The following RUNDC3B variants were observed in gnomAD, a reference collection of about 807,000 sequenced individuals.
The protein encoded by RUNDC3B is RUN domain containing 3B.
RUNDC3B carries 33 observed loss-of-function variants against 58.4 expected under a neutral mutation model. The ratio of observed to expected loss-of-function variants is 0.56; its 90% confidence interval spans 0.43 to 0.75. RUNDC3B has a LOEUF of 0.75. Among genes scored for constraint, RUNDC3B ranks in the 30% least tolerant of loss-of-function variants. The probability of loss-of-function intolerance (pLI) is 0.00; values close to 1 mark genes in which losing one functional copy is unlikely to be tolerated. For synonymous variants in RUNDC3B, 193 were observed against 195.2 expected (o/e 0.99, Z 0.10); for missense variants, 501 against 535.7 (o/e 0.94, Z 0.64).
rs117509705 is a variant in RUNDC3B at position 87,727,454 on chromosome 7, G to T, written c.459-12337G>T. ...TTTAGTAATCCAATTGTGCTTATTT[G>T]TATTTCTTTGATTATTAATGTTTGT... On this transcript the variant is annotated intron_variant, in intron 4 of 10. Transcript: ENST00000394654. Among the ~76,000 whole-genome samples, 42 of 151,974 alleles carry T rather than the reference G, an allele frequency of 2.8e-4. No individual in the cohort carries two copies. In the East Asian group the frequency reaches 7.5e-3, roughly 27 times the overall value.
chr7:87,727,547 C>A (rs2130787053), intron 4 of RUNDC3B, among the ~76,000 whole-genome samples: 1 of 151,964 alleles, frequency 6.6e-6, no homozygotes, highest in Non-Finnish European at 1.5e-5. Context: ...TATGAGTAGG[C>A]AAATTAAATA....
intron 2 of RUNDC3B, among the ~76,000 whole-genome samples, chr7:87,693,112 T>C (rs554015328): frequency 6.6e-6 from 1 of 152,252 alleles, no homozygotes; most frequent in South Asian, 2.1e-4. Context: ...GGAAATGTTA[T>C]TTTTTGGGAA....
intron 10 of RUNDC3B, among the ~76,000 whole-genome samples, chr7:87,818,246 T>TC: frequency 6.6e-6 from 1 of 152,278 alleles, no homozygotes; most frequent in African/African-American, 2.4e-5. Flanking sequence ...ATTTTGACAC[T>TC]ATAAAAACAA....
chr7:87,651,941 A>C (rs1438213349), intron 2 of RUNDC3B, among the ~76,000 whole-genome samples: 1 of 152,094 alleles, frequency 6.6e-6, no homozygotes, highest in Non-Finnish European at 1.5e-5. Flanking sequence ...TTTGCATTTT[A>C]AAAGGGTTTT....
chr7:87,663,230 T>C (rs1246558209), intron 2 of RUNDC3B, among the ~76,000 whole-genome samples: 1 of 152,134 alleles, frequency 6.6e-6, no homozygotes, highest in African/African-American at 2.4e-5. Context: ...ATGCCCTTTA[T>C]TTCTTTCTCT....
intron 2 of RUNDC3B, among the ~76,000 whole-genome samples, chr7:87,665,997 A>T (rs544263790): frequency 1.3e-5 from 2 of 152,220 alleles, no homozygotes; most frequent in African/African-American, 4.8e-5. Context: ...CTGGGTATAT[A>T]CCCGGTAATG....
At chr7:87,743,891 C>T (rs964014423) in intron 6 of RUNDC3B, among the ~76,000 whole-genome samples, 3 of 152,088 alleles carry the variant, frequency 2.0e-5, no homozygotes, top group Non-Finnish European at 2.9e-5. Flanking sequence ...CTTGCCTAAG[C>T]CAATATCTAG....
intron 3 of RUNDC3B, among the ~76,000 whole-genome samples, chr7:87,708,057 G>T (rs1762667231): frequency 6.6e-6 from 1 of 151,812 alleles, no homozygotes; most frequent in Admixed American, 6.6e-5. Flanking sequence ...TTTTAAAAAA[G>T]AATAGAGGCT....
At chr7:87,665,482 A>G (rs1825133174) in intron 2 of RUNDC3B, among the ~76,000 whole-genome samples, 1 of 152,126 alleles carries the variant, frequency 6.6e-6, no homozygotes, top group Non-Finnish European at 1.5e-5. Context: ...GGGTTGGAAG[A>G]ATTTTTATTG....
rs150183940 is a variant in RUNDC3B at position 87,670,273 on chromosome 7, T to A, written c.238+19336T>A. Reference sequence around the variant, plus strand: ...GCTTGGTTTCTTCTGCTGTCAATACTTGTAATTGCATTGTGAAATTATTGT... The same window carrying A: ...GCTTGGTTTCTTCTGCTGTCAATACATGTAATTGCATTGTGAAATTATTGT... On this transcript the variant is annotated intron_variant, in intron 2 of 10. Coordinates refer to ENST00000394654, the MANE Select transcript of RUNDC3B (RefSeq NM_001134405.2). Among the ~76,000 whole-genome samples, 544 of 152,368 alleles carry A rather than the reference T, an allele frequency of 3.6e-3. 6 individuals are homozygous for A. Among genetic ancestry groups the A allele is most frequent in the African/African-American group, 0.012 (519 of 41,590 alleles).
At chr7:87,631,017 A>G (rs1401186950) in intron 1 of RUNDC3B, among the ~76,000 whole-genome samples, 1 of 152,242 alleles carries the variant, frequency 6.6e-6, no homozygotes, top group Non-Finnish European at 1.5e-5. Flanking sequence ...TGAAATGAAT[A>G]TGTGCTAACT....
chr7:87,780,118 C>A (rs949963318), intron 8 of RUNDC3B, among the ~76,000 whole-genome samples: 2 of 152,046 alleles, frequency 1.3e-5, no homozygotes, highest in Admixed American at 1.3e-4. Flanking sequence ...ATTTGGCAGA[C>A]CAATTTATTT....
At chr7:87,811,309 T>C (rs1191773041) in intron 9 of RUNDC3B, among the ~76,000 whole-genome samples, 3 of 152,020 alleles carry the variant, frequency 2.0e-5, no homozygotes, top group Non-Finnish European at 4.4e-5. Context: ...AGCTCTTACA[T>C]GCTTTCATGA....
At chr7:87,809,462 C>G (rs1836597356) in intron 9 of RUNDC3B, among the ~76,000 whole-genome samples, 1 of 152,158 alleles carries the variant, frequency 6.6e-6, no homozygotes, top group African/African-American at 2.4e-5. Context: ...AATACTTCCT[C>G]TCCTTGCTCT....
At chr7:87,701,527 G>T (rs979198714) in intron 3 of RUNDC3B, among the ~76,000 whole-genome samples, 1 of 152,136 alleles carries the variant, frequency 6.6e-6, no homozygotes. Context: ...TGATCAGTTC[G>T]TGGAATTACA....
At chr7:87,789,687 A>C (rs2130904205) in intron 8 of RUNDC3B, among the ~76,000 whole-genome samples, 1 of 152,342 alleles carries the variant, frequency 6.6e-6, no homozygotes, top group Non-Finnish European at 1.5e-5. Flanking sequence ...GAAGAGAAAA[A>C]TGCCAAGCCC....
chr7:87,787,639 C>A (rs1480138143), intron 8 of RUNDC3B, among the ~76,000 whole-genome samples: 1 of 152,060 alleles, frequency 6.6e-6, no homozygotes, highest in African/African-American at 2.4e-5. Flanking sequence ...TCTTGAAAAT[C>A]AGGACTGTGC....
chr7:87,794,043 A>G (rs999210749), intron 8 of RUNDC3B, among the ~76,000 whole-genome samples: 5 of 152,360 alleles, frequency 3.3e-5, no homozygotes, highest in East Asian at 1.9e-4. Flanking sequence ...CCAACAATGA[A>G]TTATCTAAAA....
At chr7:87,819,165 C>T (rs1837258950) in intron 10 of RUNDC3B, among the ~76,000 whole-genome samples, 1 of 152,038 alleles carries the variant, frequency 6.6e-6, no homozygotes. Context: ...ATCAGCTAGT[C>T]CGACTGATTA....
Sources: gnomAD v4.1 joint callset for allele counts (sites outside exome capture counted in the v4.1 genomes callset) on GRCh38, gnomAD v4.1.1 for gene constraint, MANE v1.5 for transcripts, NCBI Gene and HGNC (gene_info 2026-07-23, HGNC 2026-07-21) for gene names.